AFG2A: variants seen among roughly 807,000 people sequenced by gnomAD.
AFG2A encodes ATPase family gene 2 protein homolog A.
the AFG2A span, among the ~76,000 whole-genome samples, chr4:123,135,387 C>T: frequency 6.6e-6 from 1 of 152,138 alleles, no homozygotes; most frequent in African/African-American, 2.4e-5. Context: ...TTCTTTTGAA[C>T]ATAGTTCTGG....
chr4:122,943,628 C>T, the AFG2A span, among the ~76,000 whole-genome samples: 8 of 152,082 alleles, frequency 5.3e-5, no homozygotes, highest in Non-Finnish European at 8.8e-5. Flanking sequence ...GCATTTAGTC[C>T]ATTTACATTT....
At chr4:122,939,282 T>C in the AFG2A span, among the ~76,000 whole-genome samples, 5 of 151,712 alleles carry the variant, frequency 3.3e-5, no homozygotes. Context: ...ACGGGGTTTC[T>C]CCATGTTCAG....
the AFG2A span, among the ~76,000 whole-genome samples, chr4:122,926,389 T>C: frequency 6.6e-6 from 1 of 152,246 alleles, no homozygotes; most frequent in East Asian, 1.9e-4. Flanking sequence ...AGAGAACTAA[T>C]GCTCATTGGA....
the AFG2A span, among the ~76,000 whole-genome samples, chr4:123,118,262 T>C: frequency 7.3e-6 from 1 of 137,780 alleles, no homozygotes; most frequent in South Asian, 2.2e-4. Flanking sequence ...AACAAAAAAA[T>C]ATGCAAATAT....
chr4:123,073,009 A>C, the AFG2A span, among the ~76,000 whole-genome samples: 123,824 of 151,642 alleles, frequency 0.82, 52,176 homozygotes, highest in East Asian at 0.97. Context: ...CATAAAGCTA[A>C]CTGACATATC....
At chr4:122,948,098 T>C in the AFG2A span, among the ~76,000 whole-genome samples, 24 of 152,228 alleles carry the variant, frequency 1.6e-4, no homozygotes, top group East Asian at 4.6e-3. Context: ...TAGTTAGTTT[T>C]TGGGGGAGTC....
At chr4:123,180,199 G>A in the AFG2A span, among the ~76,000 whole-genome samples, 412 of 152,222 alleles carry the variant, frequency 2.7e-3, 2 homozygotes, top group African/African-American at 9.1e-3. Flanking sequence ...CAGCCTGGGC[G>A]ACAGAGTGAG....
the AFG2A span, among the ~76,000 whole-genome samples, chr4:123,295,111 A>G: frequency 6.6e-6 from 1 of 152,220 alleles, no homozygotes. Context: ...ACAACAGAGT[A>G]TCAGCAGCAG....
chr4:123,180,763 T>G, the AFG2A span, among the ~76,000 whole-genome samples: 2 of 152,168 alleles, frequency 1.3e-5, no homozygotes, highest in African/African-American at 4.8e-5. Flanking sequence ...AACTTTAAAA[T>G]TATTTTTTAT....
chr4:123,005,666 A>C, the AFG2A span, among the ~76,000 whole-genome samples: 1 of 152,326 alleles, frequency 6.6e-6, no homozygotes. Context: ...GCGGCATCAC[A>C]CATATTTGAT....
At chr4:123,004,002 CT>C in the AFG2A span, among the ~76,000 whole-genome samples, 1 of 152,204 alleles carries the variant, frequency 6.6e-6, no homozygotes, top group Non-Finnish European at 1.5e-5. Flanking sequence ...CTAAGCGAGC[CT>C]GAGCAATGGC....
At chr4:123,115,741 G>A in the AFG2A span, among the ~76,000 whole-genome samples, 5 of 152,042 alleles carry the variant, frequency 3.3e-5, no homozygotes, top group Non-Finnish European at 7.4e-5. Flanking sequence ...CACCACAGCC[G>A]GTCCCGGCTG....
the AFG2A span, among the ~76,000 whole-genome samples, chr4:123,029,229 C>A: frequency 2.0e-5 from 3 of 152,174 alleles, no homozygotes; most frequent in African/African-American, 7.2e-5. Flanking sequence ...TCCCGAATAG[C>A]TGGGACTACA....
chr4:123,002,494 G>C, the AFG2A span, among the ~76,000 whole-genome samples: 1 of 152,060 alleles, frequency 6.6e-6, no homozygotes, highest in African/African-American at 2.4e-5. Context: ...TTTTAGGGCA[G>C]GCCTGGTGGT....
the AFG2A span, among the ~76,000 whole-genome samples, chr4:123,190,266 G>A: frequency 6.6e-6 from 1 of 152,206 alleles, no homozygotes; most frequent in Non-Finnish European, 1.5e-5. Context: ...AGGTGATGTG[G>A]TGACTGTATC....
the AFG2A span, among the ~76,000 whole-genome samples, chr4:122,994,409 C>A: frequency 2.0e-5 from 3 of 152,078 alleles, no homozygotes; most frequent in Admixed American, 2.0e-4. Flanking sequence ...TGATAAGTTT[C>A]TCTATGTACA....
At chr4:123,016,881 A>T in the AFG2A span, among the ~76,000 whole-genome samples, 2 of 152,286 alleles carry the variant, frequency 1.3e-5, no homozygotes, top group African/African-American at 2.4e-5. Context: ...GCACCTCGGG[A>T]CGCCGAGGCT....
the AFG2A span, among the ~76,000 whole-genome samples, chr4:123,062,109 G>C: frequency 2.4e-3 from 360 of 152,292 alleles, 2 homozygotes; most frequent in African/African-American, 7.9e-3. Context: ...ATGATTTGCA[G>C]CTTCTAGATG....
the AFG2A span, among the ~76,000 whole-genome samples, chr4:122,993,884 G>A: frequency 6.6e-6 from 1 of 151,760 alleles, no homozygotes; most frequent in African/African-American, 2.4e-5. Flanking sequence ...AGATAAAAGG[G>A]TATAGCTGGG....
Sources: gnomAD v4.1 joint callset for allele counts (sites outside exome capture counted in the v4.1 genomes callset) on GRCh38, gnomAD v4.1.1 for gene constraint, MANE v1.5 for transcripts, NCBI Gene and HGNC (gene_info 2026-07-23, HGNC 2026-07-21) for gene names.